The following SNRPN variants were observed in gnomAD, a reference collection of about 807,000 sequenced individuals.
SNRPN encodes small nuclear ribonucleoprotein polypeptide N.
Under a neutral mutation model 25.2 loss-of-function variants are expected in SNRPN, and 7 were observed. The observed-to-expected ratio is 0.28, with a 90% confidence interval of 0.16 to 0.52. The LOEUF (loss-of-function observed/expected upper bound fraction) is 0.52, where lower values mean the gene tolerates loss of function less well. SNRPN is among the 20% of genes least tolerant of loss of function. SNRPN has a pLI of 0.96. For synonymous variants in SNRPN, 124 were observed against 110.6 expected (o/e 1.12, Z -0.76); for missense variants, 196 against 322.5 (o/e 0.61, Z 3.00).
In SNRPN at chr15:24,929,219, T is replaced by C. The variant is rs575559159; in HGVS notation, c.-391+9095T>C. Among the ~76,000 whole-genome samples the C allele has an allele frequency of 6.6e-5, 10 of 151,014 alleles. 1 individual carries two copies. The South Asian group carries it at 2.1e-3, about 32-fold the overall frequency. On this transcript the variant is annotated intron_variant, in intron 3 of 11. Coordinates refer to the SNRPN transcript ENST00000400097. The surrounding 1 kb of genome is among the most constrained non-coding windows in gnomAD (Gnocchi z 5.3). ...TCTTCATGTATTTATAGTGATATTT[T>C]CCATCCCAATCTACACCGCAGGGTT...
intron 3 of SNRPN, among the ~76,000 whole-genome samples, chr15:24,922,310 A>G (rs1453344408): frequency 6.6e-6 from 1 of 152,204 alleles, no homozygotes. Flanking sequence ...TCAGGCATTC[A>G]CAATCCAGAT....
At chr15:24,919,713 G>A (rs1175112149) in intron 2 of SNRPN, among the ~76,000 whole-genome samples, 2 of 152,144 alleles carry the variant, frequency 1.3e-5, no homozygotes, top group African/African-American at 4.8e-5. Flanking sequence ...GCAGGATGAT[G>A]AACCTGGTAA....
chr15:24,950,463 C>T (rs2062173786), upstream of SNRPN, among the ~76,000 whole-genome samples: 2 of 151,876 alleles, frequency 1.3e-5, no homozygotes, highest in African/African-American at 2.4e-5. Flanking sequence ...TCATGAGCCA[C>T]CACCAGTTTT....
chr15:24,832,307 C>G (rs780426576), intron 2 of SNRPN, among the ~76,000 whole-genome samples: 2 of 152,012 alleles, frequency 1.3e-5, no homozygotes, highest in Non-Finnish European at 1.5e-5. Context: ...TAGATCTACT[C>G]TGACAATGTG....
chr15:24,857,993 A>T (rs1023177997), intron 1 of SNRPN, among the ~76,000 whole-genome samples: 1 of 151,962 alleles, frequency 6.6e-6, no homozygotes, highest in African/African-American at 2.4e-5. Flanking sequence ...GGGCCATAAG[A>T]TCAGATGAGT....
At chr15:24,967,620 C>T (rs760255856) in intron 2 of SNRPN, among the ~76,000 whole-genome samples, 14 of 148,250 alleles carry the variant, frequency 9.4e-5, no homozygotes, top group South Asian at 4.3e-4. Context: ...CCAGCCTGGG[C>T]GACAGAGTGA....
At chr15:24,956,213 TC>T (rs1459358416) in intron 1 of SNRPN, among the ~76,000 whole-genome samples, 1 of 152,176 alleles carries the variant, frequency 6.6e-6, no homozygotes, top group Non-Finnish European at 1.5e-5. Flanking sequence ...TACTTTTTTT[TC>T]ATTGTTTCTC....
At chr15:24,874,702 C>T (rs1344497443) in intron 1 of SNRPN, among the ~76,000 whole-genome samples, 1 of 143,018 alleles carries the variant, frequency 7.0e-6, no homozygotes, top group African/African-American at 2.5e-5. Flanking sequence ...ACCATCAAAA[C>T]TTACAGAGAT....
At chr15:24,849,809 A>C (rs1463261197) in intron 2 of SNRPN, 1 of 152,216 alleles carries the variant, frequency 6.6e-6, no homozygotes, top group Admixed American at 6.5e-5. Flanking sequence ...CTAAATGCAA[A>C]TAGATCTGTG....
At chr15:24,880,757 T>C (rs2056499203) in intron 1 of SNRPN, among the ~76,000 whole-genome samples, 1 of 149,396 alleles carries the variant, frequency 6.7e-6, no homozygotes, top group Non-Finnish European at 1.5e-5. Context: ...TACGCCTTTT[T>C]TTTTGAGACA....
chr15:24,952,525 C>T (rs1316422387), upstream of SNRPN, among the ~76,000 whole-genome samples: 2 of 152,100 alleles, frequency 1.3e-5, no homozygotes, highest in African/African-American at 4.8e-5. Context: ...TATAAGTGAG[C>T]CTAATGGCAG....
Position 24,976,937 on chromosome 15 carries a change from G to T in SNRPN, c.328G>T (p.Ala110Ser). The T allele has an allele frequency of 6.2e-7, 1 of 1,608,604 alleles. No individual in the cohort carries two copies. Among genetic ancestry groups the T allele is most frequent in the Non-Finnish European group, 8.5e-7 (1 of 1,178,406 alleles). ...TGGAGGCCCTGGGGTTGGTAGGGCA[G>T]CTGGTAGAGGAGTACCAGCTGGTGT... Reference protein sequence around the residue: ...AAGGPGVGRAAGRGVPAGVPI... With the variant: ...AAGGPGVGRASGRGVPAGVPI... Residue 110 changes from alanine (A) to serine (S), a missense_variant, in exon 7 of 10, where the codon GCT becomes TCT. Physicochemically the swap from Ala to Ser is moderately conservative, Grantham distance 99. Transcript: ENST00000390687.
At chr15:24,848,271 G>GGCGGCGGCGGGGGCGGGC (rs2052430348) in intron 2 of SNRPN, 1 of 149,542 alleles carries the variant, frequency 6.7e-6, no homozygotes, top group African/African-American at 2.5e-5. Flanking sequence ...CGGGGGCGGG[G>GGCGGCGGCGGGGGCGGGC]GCAGATCCTA....
chr15:24,978,327 G>A lies in SNRPN; in HGVS notation c.685+9G>A, dbSNP rs2153722216. The A allele has an allele frequency of 1.2e-6, 2 of 1,614,074 alleles. No individual in the cohort carries two copies. The highest frequency in any genetic ancestry group is 1.7e-6 in the Non-Finnish European group (2 of 1,179,982). On this transcript the variant is annotated intron_variant, in intron 9 of 9. Transcript: ENST00000390687. ...TCCACCAGGCATTAGAGGTGAGTGG[G>A]AGCATAGGGGTTTGATGGTTCAGCC...
intron 1 of SNRPN, among the ~76,000 whole-genome samples, chr15:24,867,935 TATC>T (rs1227494127): frequency 6.6e-6 from 1 of 152,142 alleles, no homozygotes; most frequent in Admixed American, 6.5e-5. Flanking sequence ...CTTCTTAGCA[TATC>T]ATTATATTTT....
chr15:24,926,258 A>G (rs1347419807), intron 3 of SNRPN, among the ~76,000 whole-genome samples: 1 of 152,064 alleles, frequency 6.6e-6, no homozygotes, highest in African/African-American at 2.4e-5. Context: ...TTCCTTTTTA[A>G]ATTATATATG....
At chr15:24,887,184 G>T (rs2057273270) in intron 2 of SNRPN, among the ~76,000 whole-genome samples, 1 of 130,920 alleles carries the variant, frequency 7.6e-6, no homozygotes, top group African/African-American at 3.0e-5. Flanking sequence ...GTCTTGCTCT[G>T]TTGCCCAGAC....
intron 1 of SNRPN, among the ~76,000 whole-genome samples, chr15:24,885,573 C>G (rs978831488): frequency 1.2e-4 from 19 of 152,084 alleles, no homozygotes; most frequent in Non-Finnish European, 2.5e-4. Flanking sequence ...TTTTGCTACT[C>G]TCTGTTTTCC....
intron 2 of SNRPN, chr15:24,966,914 A>T (rs1291966064): frequency 6.6e-6 from 1 of 152,086 alleles, no homozygotes; most frequent in African/African-American, 2.4e-5. Context: ...CAGCCAGGTT[A>T]CTGATTCATA....
Sources: allele counts gnomAD v4.1 joint callset (sites outside exome capture counted in the v4.1 genomes callset), GRCh38; gene constraint gnomAD v4.1.1; non-coding constraint Gnocchi (gnomAD v3.1); transcripts MANE v1.5; gene names NCBI Gene and HGNC (gene_info 2026-07-23, HGNC 2026-07-21).